The following HS3ST4 variants were observed in gnomAD, a reference collection of about 807,000 sequenced individuals.
The protein encoded by HS3ST4 is heparan sulfate glucosamine 3-O-sulfotransferase 4.
HS3ST4 carries 17 observed loss-of-function variants against 29.2 expected under a neutral mutation model. That is an observed-to-expected ratio of 0.58 (90% CI 0.40 to 0.87). The LOEUF (loss-of-function observed/expected upper bound fraction) is 0.87. Ranked by LOEUF, HS3ST4 falls within the 40% of genes least tolerant of loss-of-function variation. The pLI is 0.00. For synonymous variants in HS3ST4, 314 were observed against 285.7 expected (o/e 1.10, Z -1.00); for missense variants, 627 against 634.5 (o/e 0.99, Z 0.13).
intron 1 of HS3ST4, among the ~76,000 whole-genome samples, chr16:25,694,635 G>T (rs983027758): frequency 1.3e-5 from 2 of 152,180 alleles, no homozygotes; most frequent in Non-Finnish European, 2.9e-5. Flanking sequence ...AAGGTGTTAG[G>T]ATGATTAATG....
intron 1 of HS3ST4, among the ~76,000 whole-genome samples, chr16:25,778,475 A>G (rs1316702828): frequency 3.3e-5 from 5 of 152,206 alleles, no homozygotes; most frequent in African/African-American, 1.2e-4. Flanking sequence ...AATCTTATTG[A>G]CTACTGTCAT....
chr16:25,712,733 A>G (rs1352497069), intron 1 of HS3ST4, among the ~76,000 whole-genome samples: 2 of 152,240 alleles, frequency 1.3e-5, no homozygotes, highest in Non-Finnish European at 2.9e-5. Context: ...GGATTTGCAC[A>G]GAGAAAATGT....
At chr16:25,802,641 T>C (rs1450337426) in intron 1 of HS3ST4, among the ~76,000 whole-genome samples, 1 of 152,150 alleles carries the variant, frequency 6.6e-6, no homozygotes, top group East Asian at 1.9e-4. Flanking sequence ...TAGAATTTTA[T>C]TTAATAATAT....
intron 1 of HS3ST4, among the ~76,000 whole-genome samples, chr16:25,968,397 A>G (rs4297682): frequency 0.11 from 16,202 of 152,166 alleles, 1,016 homozygotes; most frequent in Middle Eastern, 0.19. Flanking sequence ...GAGGCAATGC[A>G]CCATGAGGGT....
At position 25,771,478 on chromosome 16, in the gene HS3ST4, C is replaced by G. The variant is rs532033226; in HGVS notation, c.734+78327C>G. 2.0e-5 allele frequency among the ~76,000 whole-genome samples: 3 copies of G among 152,160 alleles called. No individual in the cohort carries two copies. The South Asian group carries it at 6.2e-4, about 32-fold the overall frequency. On this transcript the variant is annotated intron_variant, in intron 1 of 1. Coordinates refer to ENST00000331351, the MANE Select transcript of HS3ST4 (RefSeq NM_006040.3). ...CCCCAGGGCCTTTGCACAGACTCTC[C>G]TCTCTGCTTGGTGTACCTTTCCTCC...
At chr16:25,972,546 C>A (rs1968908216) in intron 1 of HS3ST4, among the ~76,000 whole-genome samples, 1 of 152,196 alleles carries the variant, frequency 6.6e-6, no homozygotes, top group South Asian at 2.1e-4. Context: ...TACCTGGTGT[C>A]TTTCCACATG....
intron 1 of HS3ST4, among the ~76,000 whole-genome samples, chr16:26,117,428 C>T (rs1011930081): frequency 3.9e-5 from 6 of 152,202 alleles, no homozygotes; most frequent in African/African-American, 7.2e-5. Flanking sequence ...TGCCTTCTAG[C>T]GTGAACTCTG....
intron 1 of HS3ST4, among the ~76,000 whole-genome samples, chr16:25,867,578 G>A (rs544777459): frequency 5.9e-5 from 9 of 151,858 alleles, no homozygotes; most frequent in East Asian, 5.8e-4. Context: ...TCACACACAC[G>A]CACGCACACA....
intron 1 of HS3ST4, among the ~76,000 whole-genome samples, chr16:26,072,936 C>T (rs1055107991): frequency 2.0e-5 from 3 of 152,058 alleles, no homozygotes; most frequent in Admixed American, 6.6e-5. Context: ...AAGTAAATCT[C>T]TACAAAAAAT....
chr16:26,023,146 T>C (rs1350108656), intron 1 of HS3ST4, among the ~76,000 whole-genome samples: 1 of 152,238 alleles, frequency 6.6e-6, no homozygotes, highest in African/African-American at 2.4e-5. Context: ...AAGCATTTTT[T>C]CATGTTTTTA....
intron 1 of HS3ST4, among the ~76,000 whole-genome samples, chr16:26,066,338 A>T (rs1176098441): frequency 2.6e-5 from 4 of 152,214 alleles, no homozygotes; most frequent in Non-Finnish European, 5.9e-5. Context: ...ATTTGTAAAG[A>T]GGTGGGAGGA....
intron 1 of HS3ST4, among the ~76,000 whole-genome samples, chr16:25,693,770 A>G (rs891304399): frequency 2.0e-5 from 3 of 152,170 alleles, no homozygotes; most frequent in African/African-American, 2.4e-5. Flanking sequence ...ATTTTGCACC[A>G]GAAGCCTCAA....
At chr16:25,919,921 T>C (rs920962580) in intron 1 of HS3ST4, among the ~76,000 whole-genome samples, 1 of 152,132 alleles carries the variant, frequency 6.6e-6, no homozygotes, top group African/African-American at 2.4e-5. Flanking sequence ...TTAAGAAGCT[T>C]GGATTTACAG....
At chr16:25,967,576 T>C (rs1261808508) in intron 1 of HS3ST4, among the ~76,000 whole-genome samples, 1 of 152,252 alleles carries the variant, frequency 6.6e-6, no homozygotes, top group Non-Finnish European at 1.5e-5. Flanking sequence ...GCCAGTCTTA[T>C]TTCTTAGAGG....
chr16:25,730,682 C>T (rs1966565235), intron 1 of HS3ST4, among the ~76,000 whole-genome samples: 2 of 146,410 alleles, frequency 1.4e-5, no homozygotes, highest in Admixed American at 7.0e-5. Context: ...CCCTCTGTTC[C>T]TCCCTCTCTC....
chr16:25,797,106 C>T (rs1157212957), intron 1 of HS3ST4, among the ~76,000 whole-genome samples: 1 of 152,182 alleles, frequency 6.6e-6, no homozygotes, highest in Non-Finnish European at 1.5e-5. Flanking sequence ...AACGAAGTAA[C>T]TGGTTTTTCA....
In HS3ST4 at chr16:25,904,157, T is replaced by G. The variant is rs534048065; in HGVS notation, c.734+211006T>G. On this transcript the variant is annotated intron_variant, in intron 1 of 1. Coordinates refer to ENST00000331351, the MANE Select transcript of HS3ST4 (RefSeq NM_006040.3). ...ATGGATGGATGGATGGATGGATGAATGGATGAATGGATGGATGGATGGATG... is the reference window on the plus strand; with the variant it reads ...ATGGATGGATGGATGGATGGATGAAGGGATGAATGGATGGATGGATGGATG... 7.5e-3 allele frequency among the ~76,000 whole-genome samples: 810 copies of G among 108,086 alleles called. 24 individuals carry two copies. The highest frequency in any genetic ancestry group is 0.059 in the Admixed American group (725 of 12,202). 70.9% of individuals were successfully genotyped at this position (108,086 alleles called of 152,430 possible). A position where few individuals can be genotyped will look rare whatever the true frequency, so the allele number is the denominator to read the frequency against.
At chr16:26,062,876 G>T in intron 1 of HS3ST4, 1 of 261,270 alleles carries the variant, frequency 3.8e-6, no homozygotes, top group South Asian at 5.1e-5. Context: ...TACATATTCT[G>T]GCACCAAAGT....
intron 1 of HS3ST4, among the ~76,000 whole-genome samples, chr16:26,106,047 G>A (rs1158777414): frequency 6.6e-6 from 1 of 152,192 alleles, no homozygotes; most frequent in Non-Finnish European, 1.5e-5. Context: ...AAAAGATACA[G>A]TGAAACCTGA....
Sources: gnomAD v4.1 joint callset for allele counts (sites outside exome capture counted in the v4.1 genomes callset) on GRCh38, gnomAD v4.1.1 for gene constraint, MANE v1.5 for transcripts, NCBI Gene and HGNC (gene_info 2026-07-23, HGNC 2026-07-21) for gene names.